LRP1B: variants seen among roughly 807,000 people sequenced by gnomAD.
LRP1B encodes low-density lipoprotein receptor-related protein 1B.
In LRP1B, 217 loss-of-function variants were observed where a neutral mutation model predicts 556.6. The observed-to-expected ratio is 0.39, with a 90% CI of 0.35 to 0.44. The LOEUF is 0.44. Ranked by LOEUF, LRP1B falls within the 20% of genes least tolerant of loss-of-function variation. The probability of loss-of-function intolerance (pLI) is 1.00; values close to 1 mark genes in which losing one functional copy is unlikely to be tolerated. For missense variants in LRP1B, 5,053 were observed against 5,620.8 expected, an observed-to-expected ratio of 0.90 and a Z score of 3.23; for synonymous variants, 2,047 against 1,865.8, an observed-to-expected ratio of 1.10 and a Z score of -2.50.
At position 141,092,567 on chromosome 2, in the gene LRP1B, A is replaced by C. The variant is rs571751280; in HGVS notation, c.1014-30294T>G. 1.9e-3 allele frequency among the ~76,000 whole-genome samples: 293 copies of C among 152,326 alleles called. 2 individuals carry two copies. Among genetic ancestry groups the C allele is most frequent in the African/African-American group, 6.8e-3 (281 of 41,566 alleles). On this transcript the variant is annotated intron_variant, in intron 7 of 90. Transcript: ENST00000389484. The stretch of plus-strand genomic sequence containing the variant: ...CATAAGACTAGATGGGTTCACCTAA[A>C]GATGAATAGTAGACAGAATAGTGTT...
At chr2:141,874,805 A>C (rs955262075) in intron 1 of LRP1B, among the ~76,000 whole-genome samples, 4 of 151,974 alleles carry the variant, frequency 2.6e-5, no homozygotes, top group African/African-American at 9.7e-5. Context: ...TGGGATTAAA[A>C]AGACACTTTT....
chr2:140,618,588 T>C (rs979553544), intron 41 of LRP1B, among the ~76,000 whole-genome samples: 1 of 151,956 alleles, frequency 6.6e-6, no homozygotes, highest in African/African-American at 2.4e-5. Context: ...CCAGAACAAG[T>C]TAGAAAAACA....
chr2:140,422,586 T>C (rs1364010678), intron 66 of LRP1B, among the ~76,000 whole-genome samples: 1 of 152,124 alleles, frequency 6.6e-6, no homozygotes, highest in Admixed American at 6.6e-5. Flanking sequence ...CAAAAGGTGA[T>C]GAAAGAATTT....
chr2:140,653,999 T>C (rs1388046360), intron 41 of LRP1B, among the ~76,000 whole-genome samples: 1 of 115,858 alleles, frequency 8.6e-6, no homozygotes, highest in Non-Finnish European at 1.6e-5. Flanking sequence ...TACTCCAGCC[T>C]GGGAGACAAG....
Position 140,444,628 on chromosome 2 carries a change from GCA to G in LRP1B, c.10107_10108del (p.Ala3370SerfsTer7), listed in dbSNP as rs1686576038. ...TCCATCACAGATGAAAGCTGGTAGA[GCA>G]CAGAGTCCAGTCCCACACTGAAATC... On this transcript the variant is annotated frameshift_variant, in exon 64 of 91. Coordinates refer to ENST00000389484, the MANE Select transcript of LRP1B (RefSeq NM_018557.3). LOFTEE classifies it high-confidence loss of function. The G allele has an allele frequency of 6.2e-7, 1 of 1,613,886 alleles. No homozygotes were observed. Among genetic ancestry groups the G allele is most frequent in the Non-Finnish European group, 8.5e-7 (1 of 1,179,944 alleles).
intron 59 of LRP1B, among the ~76,000 whole-genome samples, chr2:140,482,195 T>C (rs957247252): frequency 6.6e-6 from 1 of 150,958 alleles, no homozygotes; most frequent in Non-Finnish European, 1.5e-5. Flanking sequence ...CCATGCCTTT[T>C]ATTTTTATTC....
intron 41 of LRP1B, among the ~76,000 whole-genome samples, chr2:140,608,674 G>T (rs1176866957): frequency 6.6e-6 from 1 of 152,080 alleles, no homozygotes; most frequent in East Asian, 1.9e-4. Flanking sequence ...ATATTTCCAT[G>T]TTGTAAGAGA....
chr2:141,994,295 C>G (rs1285444108), intron 1 of LRP1B, among the ~76,000 whole-genome samples: 2 of 152,092 alleles, frequency 1.3e-5, no homozygotes, highest in Non-Finnish European at 2.9e-5. Flanking sequence ...GCCTTAGGTG[C>G]ATTCTGAATG....
chr2:141,670,715 C>A (rs1184520555), intron 2 of LRP1B, among the ~76,000 whole-genome samples: 6 of 152,124 alleles, frequency 3.9e-5, no homozygotes, highest in Admixed American at 2.0e-4. Flanking sequence ...CTTATCTGTG[C>A]AGTGAAATAA....
intron 3 of LRP1B, among the ~76,000 whole-genome samples, chr2:141,474,157 T>C (rs62166298): frequency 0.45 from 65,681 of 147,262 alleles, 14,881 homozygotes; most frequent in Non-Finnish European, 0.49. Context: ...TTTTCCATAG[T>C]AGTAGCTGGA....
At chr2:140,925,397 T>C (rs1694856669) in intron 20 of LRP1B, among the ~76,000 whole-genome samples, 2 of 152,146 alleles carry the variant, frequency 1.3e-5, no homozygotes, top group South Asian at 4.1e-4. Context: ...ATCAGCTCTG[T>C]GCATCACTCT....
At chr2:141,661,546 A>G (rs1046435849) in intron 2 of LRP1B, among the ~76,000 whole-genome samples, 8 of 152,248 alleles carry the variant, frequency 5.3e-5, no homozygotes, top group Admixed American at 3.9e-4. Flanking sequence ...ACAAGTATCA[A>G]GAGCTGAAAA....
chr2:140,622,306 T>C (rs1046314695), intron 41 of LRP1B, among the ~76,000 whole-genome samples: 2 of 152,210 alleles, frequency 1.3e-5, no homozygotes, highest in Admixed American at 1.3e-4. Context: ...AAAATATGCA[T>C]AAACAATGTA....
chr2:141,610,654 T>C (rs2105321673), intron 2 of LRP1B, among the ~76,000 whole-genome samples: 1 of 152,288 alleles, frequency 6.6e-6, no homozygotes, highest in East Asian at 1.9e-4. Flanking sequence ...AAATGCCTAG[T>C]CATTTCTACA....
intron 3 of LRP1B, among the ~76,000 whole-genome samples, chr2:141,335,808 C>T (rs866203254): frequency 2.0e-5 from 3 of 152,166 alleles, no homozygotes; most frequent in African/African-American, 7.2e-5. Flanking sequence ...GAGAGATAAA[C>T]ATGCGTGTGT....
intron 43 of LRP1B, among the ~76,000 whole-genome samples, chr2:140,554,845 A>AGTGTGTGT (rs1259537503): frequency 2.4e-5 from 3 of 125,536 alleles, no homozygotes; most frequent in African/African-American, 9.5e-5. Flanking sequence ...CTTCTTTTAA[A>AGTGTGTGT]GTGTGTGTAT....
intron 32 of LRP1B, among the ~76,000 whole-genome samples, chr2:140,777,529 T>C (rs1214587681): frequency 6.6e-6 from 1 of 152,142 alleles, no homozygotes; most frequent in Non-Finnish European, 1.5e-5. Flanking sequence ...ACTTCTACTC[T>C]CATAAAGGTA....
chr2:140,584,275 C>T (rs2105145951), intron 43 of LRP1B, among the ~76,000 whole-genome samples: 1 of 152,032 alleles, frequency 6.6e-6, no homozygotes, highest in Admixed American at 6.5e-5. Flanking sequence ...TTTAAAACTA[C>T]TTTTCCTTTT....
At chr2:142,007,873 C>T (rs770823974) in intron 1 of LRP1B, among the ~76,000 whole-genome samples, 18 of 152,254 alleles carry the variant, frequency 1.2e-4, no homozygotes, top group African/African-American at 2.4e-4. Flanking sequence ...GCCTGATTTC[C>T]GCATCAAGTC....
Sources: allele counts gnomAD v4.1 joint callset (sites outside exome capture counted in the v4.1 genomes callset), GRCh38; gene constraint gnomAD v4.1.1; transcripts MANE v1.5; gene names NCBI Gene and HGNC (gene_info 2026-07-23, HGNC 2026-07-21).